Variants in RORB observed in about 807,000 individuals in gnomAD.
RORB encodes RAR related orphan receptor B.
Under a neutral mutation model 59.1 loss-of-function variants are expected in RORB, and 6 were observed. The observed-to-expected ratio is 0.10, with a 90% CI of 0.06 to 0.20. RORB has a LOEUF of 0.20. Among genes scored for constraint, RORB ranks in the 10% least tolerant of loss-of-function variants. The probability of loss-of-function intolerance (pLI) is 1.00; values close to 1 mark genes in which losing one functional copy is unlikely to be tolerated. For synonymous variants in RORB, 215 were observed against 204.5 expected (o/e 1.05, Z -0.44); for missense variants, 320 against 560.5 (o/e 0.57, Z 4.33).
At chr9:74,514,794 G>C (rs1825985538) in intron 1 of RORB, among the ~76,000 whole-genome samples, 1 of 151,128 alleles carries the variant, frequency 6.6e-6, no homozygotes, top group Non-Finnish European at 1.5e-5. Context: ...TAGGCAGCTT[G>C]ACCACAGTTA....
At chr9:74,633,786 C>A (rs1823656766) in intron 2 of RORB, among the ~76,000 whole-genome samples, 1 of 152,176 alleles carries the variant, frequency 6.6e-6, no homozygotes, top group African/African-American at 2.4e-5. Flanking sequence ...ATGAAGACAT[C>A]TTACACTGAG....
rs77216710 is a variant in RORB at position 74,518,370 on chromosome 9, C to G, written c.7+20387C>G. On this transcript the variant is annotated intron_variant, in intron 1 of 9. Transcript: ENST00000376896. ...AATTGCCACCAATGACCACACACTG[C>G]AACTGACCCTAAGACAACCTGAATT... Among the ~76,000 whole-genome samples, 967 of 152,124 alleles carry G rather than the reference C, an allele frequency of 6.4e-3. 17 individuals are homozygous for G. Among genetic ancestry groups the G allele is most frequent in the African/African-American group, 0.023 (937 of 41,526 alleles).
At chr9:74,572,888 T>C (rs1230609122) in intron 1 of RORB, among the ~76,000 whole-genome samples, 1 of 152,202 alleles carries the variant, frequency 6.6e-6, no homozygotes, top group Non-Finnish European at 1.5e-5. Context: ...AGGGTAAGAA[T>C]GTGAGGAAAT....
rs1332117932 is a variant in RORB, at chr9:74,650,132, C to T, written c.637+7317C>T. Among the ~76,000 whole-genome samples, 11 of 152,320 alleles carry T rather than the reference C, an allele frequency of 7.2e-5. No individual in the cohort carries two copies. The East Asian group carries it at 1.7e-3, about 24-fold the overall frequency. ...AAAGGAAAGGAGATTTCAGGAGGTTCTGCCTGTGACTTGGAGGAGCAGGGA... is the reference window on the plus strand; with the variant it reads ...AAAGGAAAGGAGATTTCAGGAGGTTTTGCCTGTGACTTGGAGGAGCAGGGA... On this transcript the variant is annotated intron_variant, in intron 4 of 9. Transcript: ENST00000376896.
In RORB at chr9:74,514,845, T is replaced by C. The variant is rs74822150; in HGVS notation, c.7+16862T>C. Among the ~76,000 whole-genome samples the C allele has an allele frequency of 2.4e-3, 363 of 151,706 alleles. 1 individual carries two copies. The highest frequency in any genetic ancestry group is 8.3e-3 in the African/African-American group (346 of 41,440). On this transcript the variant is annotated intron_variant, in intron 1 of 9. Transcript: ENST00000376896. ...AGTATTGAATTATTTCAATATAATT[T>C]TGTATATAATTCAATACAGTTATTT...
intron 1 of RORB, among the ~76,000 whole-genome samples, chr9:74,582,774 T>C (rs1570501): frequency 0.96 from 145,837 of 152,242 alleles, 70,182 homozygotes; most frequent in East Asian, 1. Context: ...GTGTCTATTA[T>C]CTACCCAAGC....
At chr9:74,662,936 T>A (rs1824213179) in intron 6 of RORB, among the ~76,000 whole-genome samples, 1 of 150,754 alleles carries the variant, frequency 6.6e-6, no homozygotes, top group Non-Finnish European at 1.5e-5. Flanking sequence ...TTGCCTTCTG[T>A]GAAAGGAAAA....
intron 1 of RORB, among the ~76,000 whole-genome samples, chr9:74,567,979 AGGCTTTATATGTGTT>A (rs1822493561): frequency 6.6e-6 from 1 of 152,176 alleles, no homozygotes; most frequent in Admixed American, 6.5e-5. Flanking sequence ...GCAACTCAAG[AGGCTTTATATGTGTT>A]CATTAACCGC....
At chr9:74,519,156 A>C (rs959118471) in intron 1 of RORB, among the ~76,000 whole-genome samples, 1 of 152,040 alleles carries the variant, frequency 6.6e-6, no homozygotes, top group African/African-American at 2.4e-5. Context: ...AGGCCTGAAA[A>C]CTTGAAAGAT....
chr9:74,561,662 C>G (rs112917918), intron 1 of RORB, among the ~76,000 whole-genome samples: 43 of 152,122 alleles, frequency 2.8e-4, no homozygotes, highest in African/African-American at 1.0e-3. Context: ...CAGCCTTTAC[C>G]CAACTTTCCC....
intron 3 of RORB, among the ~76,000 whole-genome samples, chr9:74,636,857 T>C (rs1343117097): frequency 6.6e-6 from 1 of 152,184 alleles, no homozygotes; most frequent in Non-Finnish European, 1.5e-5. Flanking sequence ...CTCTTCACTA[T>C]ATCATACAGA....
chr9:74,616,304 G>C (rs73650016), intron 1 of RORB, among the ~76,000 whole-genome samples: 1,837 of 151,958 alleles, frequency 0.012, 44 homozygotes, highest in African/African-American at 0.043. Context: ...CACAACAGTT[G>C]GAAATATTAA....
chr9:74,549,949 C>G (rs1429671128), intron 1 of RORB, among the ~76,000 whole-genome samples: 1 of 152,020 alleles, frequency 6.6e-6, no homozygotes, highest in Non-Finnish European at 1.5e-5. Flanking sequence ...AGGCTGGTCG[C>G]GAACTCCTGA....
chr9:74,611,022 C>T (rs1823224703), intron 1 of RORB, among the ~76,000 whole-genome samples: 1 of 152,194 alleles, frequency 6.6e-6, no homozygotes, highest in South Asian at 2.1e-4. Flanking sequence ...ATTTATCCCT[C>T]ATTTCCCCCT....
chr9:74,592,023 T>C (rs1314850794), intron 1 of RORB, among the ~76,000 whole-genome samples: 5 of 152,174 alleles, frequency 3.3e-5, no homozygotes, highest in Non-Finnish European at 7.3e-5. Context: ...GACTGCTTTT[T>C]CTTTTTGGTT....
chr9:74,592,122 C>A (rs1262360719), intron 1 of RORB, among the ~76,000 whole-genome samples: 1 of 152,172 alleles, frequency 6.6e-6, no homozygotes, highest in Non-Finnish European at 1.5e-5. Flanking sequence ...TCACTTGGAT[C>A]TCCTTGGAAC....
intron 1 of RORB, among the ~76,000 whole-genome samples, chr9:74,523,776 G>A (rs772176755): frequency 2.0e-4 from 30 of 151,866 alleles, no homozygotes; most frequent in Non-Finnish European, 4.1e-4. Flanking sequence ...ATAAGGATAA[G>A]TAATCTTTTG....
At chr9:74,631,870 A>T (rs952395513) in intron 2 of RORB, among the ~76,000 whole-genome samples, 2 of 152,180 alleles carry the variant, frequency 1.3e-5, no homozygotes, top group Non-Finnish European at 2.9e-5. Flanking sequence ...GCAATTTTTT[A>T]CCCTCCTTGA....
At chr9:74,681,088 G>A (rs190365902) in intron 9 of RORB, among the ~76,000 whole-genome samples, 2 of 152,266 alleles carry the variant, frequency 1.3e-5, no homozygotes, top group African/African-American at 4.8e-5. Flanking sequence ...TAGATCCTCT[G>A]TCTACTTCTG....
Sources: allele counts gnomAD v4.1 joint callset (sites outside exome capture counted in the v4.1 genomes callset), GRCh38; gene constraint gnomAD v4.1.1; transcripts MANE v1.5; gene names NCBI Gene and HGNC (gene_info 2026-07-23, HGNC 2026-07-21).